GABRG1: variants seen among roughly 807,000 people sequenced by gnomAD.
GABRG1 encodes the protein gamma-aminobutyric acid type A receptor subunit gamma1.
In GABRG1, 49 loss-of-function variants were observed where a neutral mutation model predicts 49.8. That is an observed-to-expected ratio of 0.98 (90% CI 0.78 to 1.25). The LOEUF (loss-of-function observed/expected upper bound fraction) is 1.25, where lower values mean the gene tolerates loss of function less well. GABRG1 is among the 50% of genes most tolerant of loss of function. The pLI is 0.00. For synonymous variants in GABRG1, 232 were observed against 185.1 expected (o/e 1.25, Z -2.06); for missense variants, 552 against 552.3 (o/e 1.00, Z 0.01).
intron 1 of GABRG1, among the ~76,000 whole-genome samples, chr4:46,104,513 G>A (rs1720474125): frequency 6.6e-6 from 1 of 151,352 alleles, no homozygotes; most frequent in Non-Finnish European, 1.5e-5. Flanking sequence ...GTTACATATA[G>A]CCATAATACA....
At chr4:46,075,041 A>G (rs1246350407) in intron 3 of GABRG1, among the ~76,000 whole-genome samples, 4 of 151,896 alleles carry the variant, frequency 2.6e-5, no homozygotes, top group Non-Finnish European at 4.4e-5. Context: ...AGACTCTATG[A>G]TCATGAAAAC....
At position 46,058,348 on chromosome 4, in the gene GABRG1, A is replaced by T. The variant is rs761135864; in HGVS notation, c.785T>A (p.Ile262Asn). Residue 262 changes from isoleucine (I) to asparagine (N), a missense_variant, in exon 7 of 9, where the codon ATT becomes AAT. Physicochemically the swap from Ile to Asn is moderately radical, Grantham distance 149. Transcript: ENST00000295452. The part of the protein sequence containing the change: ...TISGDYVIMT[I>N]FFDLSRRMGY... ...CATTCTTCTGCTCAGGTCAAAAAAAATTGTCATGATAACATAATCCCCTGT... is the reference window on the plus strand; with the variant it reads ...CATTCTTCTGCTCAGGTCAAAAAAATTTGTCATGATAACATAATCCCCTGT... 2.5e-6 allele frequency: 4 copies of T among 1,611,564 alleles called. No homozygotes were observed. In the South Asian group the frequency reaches 3.3e-5, roughly 13 times the overall value.
At chr4:46,050,216 C>G (rs142229532) in intron 8 of GABRG1, among the ~76,000 whole-genome samples, 2 of 151,882 alleles carry the variant, frequency 1.3e-5, no homozygotes, top group African/African-American at 4.8e-5. Flanking sequence ...GTGAAGTTGA[C>G]GGAGTCACTG....
At chr4:46,102,061 T>C (rs1720397949) in intron 1 of GABRG1, among the ~76,000 whole-genome samples, 1 of 151,718 alleles carries the variant, frequency 6.6e-6, no homozygotes, top group African/African-American at 2.4e-5. Flanking sequence ...AATGCCTACC[T>C]AAGAATGAAC....
At chr4:46,121,281 G>A (rs572111623) in intron 1 of GABRG1, among the ~76,000 whole-genome samples, 1 of 151,830 alleles carries the variant, frequency 6.6e-6, no homozygotes, top group East Asian at 1.9e-4. Flanking sequence ...AGTTTTGGAA[G>A]GGAAAACTAA....
chr4:46,065,428 A>C lies in GABRG1; in HGVS notation c.478T>G (p.Trp160Gly), dbSNP rs781603431. The change falls in exon 4 of 9, where the codon TGG becomes GGG. Residue 160 changes from tryptophan to glycine, a missense_variant. Physicochemically the swap from Trp to Gly is radical, Grantham distance 184. Transcript: ENST00000295452. ...FRNSRKSDAHWITTPNRLLRI... is the reference protein window; with the variant it reads ...FRNSRKSDAHGITTPNRLLRI... Reference sequence around the variant, plus strand: ...AGCAGACGATTAGGAGTTGTTATCCAGTGAGCATCAGATTTTCTTGAGTTT... The same window carrying C: ...AGCAGACGATTAGGAGTTGTTATCCCGTGAGCATCAGATTTTCTTGAGTTT... The C allele has an allele frequency of 8.1e-6, 13 of 1,613,470 alleles. No homozygotes were observed. Among genetic ancestry groups the C allele is most frequent in the Non-Finnish European group, 5.1e-6 (6 of 1,179,782 alleles).
chr4:46,036,051 C>T lies in GABRG1; in HGVS notation c.*4937G>A, dbSNP rs1281825308. On this transcript the variant is annotated 3_prime_UTR_variant, in exon 9 of 9. Transcript: ENST00000295452. The stretch of plus-strand genomic sequence containing the variant: ...ATTTCCATTTAGGTAAATCATGTCT[C>T]AAAAGTCTTCTAATTAGCCCTTTTT... 1 of 151,912 alleles carries T rather than the reference C, an allele frequency of 6.6e-6. No homozygotes were observed. The highest frequency in any genetic ancestry group is 2.4e-5 in the African/African-American group (1 of 41,414). 9.4% of individuals were successfully genotyped at this position (151,912 alleles called of 1,614,324 possible).
At chr4:46,066,581 C>T (rs1443346735) in intron 3 of GABRG1, among the ~76,000 whole-genome samples, 2 of 152,154 alleles carry the variant, frequency 1.3e-5, no homozygotes, top group Non-Finnish European at 2.9e-5. Flanking sequence ...CCCAAGTCCA[C>T]ATCCATAACA....
chr4:46,103,720 G>A (rs1239916138), intron 1 of GABRG1, among the ~76,000 whole-genome samples: 1 of 151,204 alleles, frequency 6.6e-6, no homozygotes, highest in Non-Finnish European at 1.5e-5. Flanking sequence ...TCATTGACTA[G>A]AGTTAATTTT....
chr4:46,097,165 G>T, intron 2 of GABRG1, 36 bp downstream of exon 2: 1 of 1,561,954 alleles, frequency 6.4e-7, no homozygotes. Context: ...TATGTTTAAT[G>T]GTCATCAAAA....
intron 7 of GABRG1, among the ~76,000 whole-genome samples, chr4:46,053,735 T>G (rs1718332267): frequency 6.6e-6 from 1 of 152,052 alleles, no homozygotes; most frequent in Admixed American, 6.6e-5. Flanking sequence ...TTATTAAGTT[T>G]CTGTTACTTT....
chr4:46,059,914 T>C (rs890979619), intron 5 of GABRG1, among the ~76,000 whole-genome samples: 13 of 152,320 alleles, frequency 8.5e-5, no homozygotes, highest in African/African-American at 3.1e-4. Flanking sequence ...GAACTGCTTG[T>C]TCAATTGCCC....
At chr4:46,088,273 A>C (rs1719855298) in intron 2 of GABRG1, among the ~76,000 whole-genome samples, 1 of 152,042 alleles carries the variant, frequency 6.6e-6, no homozygotes, top group South Asian at 2.1e-4. Flanking sequence ...TGTAATGAAA[A>C]ATTGTCCCAC....
intron 2 of GABRG1, among the ~76,000 whole-genome samples, chr4:46,086,438 G>A (rs1719756422): frequency 6.6e-6 from 1 of 151,362 alleles, no homozygotes; most frequent in African/African-American, 2.4e-5. Flanking sequence ...TTTTAACCAT[G>A]CTTTCTTGGA....
At chr4:46,111,710 C>A (rs1720720481) in intron 1 of GABRG1, among the ~76,000 whole-genome samples, 1 of 151,148 alleles carries the variant, frequency 6.6e-6, no homozygotes, top group Non-Finnish European at 1.5e-5. Flanking sequence ...ATCTGATCTT[C>A]AACAAATTTG....
chr4:46,065,023 G>C (rs1453290373), intron 4 of GABRG1, among the ~76,000 whole-genome samples: 4 of 151,984 alleles, frequency 2.6e-5, no homozygotes, highest in Non-Finnish European at 4.4e-5. Flanking sequence ...TTGAAAATTA[G>C]AGTATTATAA....
chr4:46,060,439 G>A (rs1174166298), intron 5 of GABRG1, among the ~76,000 whole-genome samples: 3 of 152,026 alleles, frequency 2.0e-5, no homozygotes, highest in Non-Finnish European at 2.9e-5. Context: ...GGTCAAAATC[G>A]GCTGCAACTT....
intron 2 of GABRG1, among the ~76,000 whole-genome samples, chr4:46,093,069 T>TAAAA (rs10627690): frequency 1.6e-5 from 2 of 122,260 alleles, no homozygotes. Flanking sequence ...AACTCCATCT[T>TAAAA]AAAAAAAAAA....
chr4:46,059,090 G>T (rs547771535), intron 5 of GABRG1, among the ~76,000 whole-genome samples: 3 of 151,954 alleles, frequency 2.0e-5, no homozygotes, highest in Non-Finnish European at 2.9e-5. Flanking sequence ...CCTTGTCTAA[G>T]AATGTATTTT....
Sources: allele counts gnomAD v4.1 joint callset (sites outside exome capture counted in the v4.1 genomes callset), GRCh38; gene constraint gnomAD v4.1.1; transcripts MANE v1.5; gene names NCBI Gene and HGNC (gene_info 2026-07-23, HGNC 2026-07-21).